The following TIAM2 variants were observed in gnomAD, a reference collection of about 807,000 sequenced individuals.
The protein encoded by TIAM2 is rho guanine nucleotide exchange factor TIAM2.
A neutral mutation model predicts 152.9 loss-of-function variants in TIAM2; 80 were observed. That is an observed-to-expected ratio of 0.52 (90% CI 0.44 to 0.63). TIAM2 has a LOEUF of 0.63. TIAM2 is among the 30% of genes least tolerant of loss of function. The pLI is 0.00. For missense variants in TIAM2, 1,965 were observed against 2,120.1 expected (o/e 0.93, Z 1.44); for synonymous variants, 804 against 838.0 (o/e 0.96, Z 0.70).
At chr6:155,191,642 A>C (rs1223448334) in intron 14 of TIAM2, among the ~76,000 whole-genome samples, 2 of 152,124 alleles carry the variant, frequency 1.3e-5, no homozygotes, top group African/African-American at 4.8e-5. Context: ...AAATACAAAA[A>C]TTAGCCAGGC....
At position 155,256,535 on chromosome 6, in the gene TIAM2, C is replaced by A. The variant is rs777540608; in HGVS notation, c.4520C>A (p.Thr1507Asn). 6 of 1,614,090 alleles carry A rather than the reference C, an allele frequency of 3.7e-6. No homozygotes were observed. In the East Asian group the frequency reaches 6.7e-5, roughly 18 times the overall value. ...AAGAATTCCTCCAGCAACGAGTGGA[C>A]CGGTGAGACTGGCAAGGGAACCTTG... Reference protein sequence around the residue: ...VLKNSSSNEWTGETGKGTLLD... With the variant: ...VLKNSSSNEWNGETGKGTLLD... Residue 1507 changes from threonine (T) to asparagine (N), a missense_variant, in exon 27 of 27, where the codon ACC (threonine) becomes AAC (asparagine). This residue lies in a region of TIAM2 where 935 missense variants were observed against 980.0 expected (regional missense o/e 0.95). Transcript: ENST00000682666.
chr6:155,018,636 A>G (rs1202490329), intron 1 of TIAM2, among the ~76,000 whole-genome samples: 5 of 126,908 alleles, frequency 3.9e-5, no homozygotes, highest in Admixed American at 8.7e-5. Flanking sequence ...AAAAAATTAC[A>G]TACATGACTC....
chr6:155,015,495 A>G (rs529218750), intron 1 of TIAM2, among the ~76,000 whole-genome samples: 1 of 152,312 alleles, frequency 6.6e-6, no homozygotes, highest in East Asian at 1.9e-4. Context: ...GTGCAAAGAG[A>G]GGCAAAAAAG....
intron 21 of TIAM2, chr6:155,250,526 C>G: frequency 1.6e-5 from 24 of 1,535,210 alleles, no homozygotes; most frequent in Non-Finnish European, 2.1e-5. Context: ...AATGCTGGTG[C>G]TCTTTTATCA....
At chr6:155,046,331 CTT>C (rs1164422319) in intron 1 of TIAM2, among the ~76,000 whole-genome samples, 226 of 80,744 alleles carry the variant, frequency 2.8e-3, no homozygotes, top group African/African-American at 7.6e-3. Context: ...TTGGCTCTGT[CTT>C]TTTTTTTTTT....
rs569141369 is a variant in TIAM2 at position 155,184,880 on chromosome 6, A to G, written c.3064+1380A>G. Among the ~76,000 whole-genome samples, 9 of 152,296 alleles carry G rather than the reference A, an allele frequency of 5.9e-5. No individual in the cohort carries two copies. The East Asian group carries it at 1.7e-3, about 29-fold the overall frequency. On this transcript the variant is annotated intron_variant, in intron 14 of 26. Coordinates refer to ENST00000682666, the MANE Select transcript of TIAM2 (RefSeq NM_012454.4). ...AACAAAAATTATGATGGAACTTATT[A>G]ATTACTTGGGTATATTAGGGCCATC...
intron 1 of TIAM2, among the ~76,000 whole-genome samples, chr6:155,043,797 T>C (rs1777099830): frequency 6.6e-6 from 1 of 152,054 alleles, no homozygotes; most frequent in Admixed American, 6.6e-5. Flanking sequence ...CCCATCAATT[T>C]CTTGCAGGTT....
chr6:155,011,567 CAG>C (rs202114993), intron 1 of TIAM2, among the ~76,000 whole-genome samples: 5 of 145,972 alleles, frequency 3.4e-5, no homozygotes, highest in Non-Finnish European at 7.7e-5. Flanking sequence ...TTTTTCTCCT[CAG>C]AGTGTCTGAC....
intron 2 of TIAM2, among the ~76,000 whole-genome samples, chr6:155,104,357 G>A (rs76581943): frequency 0.032 from 4,934 of 152,014 alleles, 254 homozygotes; most frequent in African/African-American, 0.11. Context: ...TCCTCCCTGC[G>A]CTTCTCCCCT....
At chr6:155,246,221 T>C (rs1375837518) in intron 19 of TIAM2, among the ~76,000 whole-genome samples, 1 of 152,182 alleles carries the variant, frequency 6.6e-6, no homozygotes. Flanking sequence ...TCGGTGTTTC[T>C]CTCTGCGTGG....
At chr6:155,107,445 G>A (rs1778723075) in intron 2 of TIAM2, among the ~76,000 whole-genome samples, 1 of 152,258 alleles carries the variant, frequency 6.6e-6, no homozygotes, top group Admixed American at 6.5e-5. Context: ...GTATTGTATG[G>A]ATTTATTTTT....
At chr6:155,068,746 C>T (rs754770217) in intron 1 of TIAM2, among the ~76,000 whole-genome samples, 2 of 152,164 alleles carry the variant, frequency 1.3e-5, no homozygotes, top group Admixed American at 6.5e-5. Context: ...TTTTAAATAA[C>T]ATTTTACTTT....
At chr6:155,173,197 G>T (rs59243266) in intron 9 of TIAM2, among the ~76,000 whole-genome samples, 1 of 147,126 alleles carries the variant, frequency 6.8e-6, no homozygotes, top group Non-Finnish European at 1.5e-5. Context: ...GTGTGTGTGT[G>T]TGTGTCTGTC....
At chr6:155,165,551 G>A in intron 9 of TIAM2, 142 bp downstream of exon 9, 1 of 1,224,782 alleles carries the variant, frequency 8.2e-7, no homozygotes, top group Non-Finnish European at 1.1e-6. Flanking sequence ...TGTAATTCTA[G>A]CACACTGGGA....
At chr6:155,154,078 C>G (rs775953781) in intron 7 of TIAM2, among the ~76,000 whole-genome samples, 7 of 152,218 alleles carry the variant, frequency 4.6e-5, no homozygotes, top group Non-Finnish European at 8.8e-5. Context: ...CCAATCAGGA[C>G]AGGGTCTCCA....
At chr6:155,122,228 T>A (rs1423192595) in intron 2 of TIAM2, 3 of 152,206 alleles carry the variant, frequency 2.0e-5, no homozygotes, top group African/African-American at 7.2e-5. Context: ...ATCACACTTT[T>A]AAGAAAGAAA....
chr6:155,042,638 T>A (rs1777074931), intron 1 of TIAM2, among the ~76,000 whole-genome samples: 1 of 152,170 alleles, frequency 6.6e-6, no homozygotes, highest in Admixed American at 6.5e-5. Context: ...CAATCCATTC[T>A]GTCAAGGAAC....
chr6:155,050,751 T>C (rs1216269701), intron 1 of TIAM2, among the ~76,000 whole-genome samples: 1 of 152,238 alleles, frequency 6.6e-6, no homozygotes, highest in African/African-American at 2.4e-5. Flanking sequence ...GGGTAAGCCT[T>C]TCTGCTTTTA....
At chr6:155,177,096 T>G in intron 10 of TIAM2, 119 bp downstream of exon 10, 1 of 896,724 alleles carries the variant, frequency 1.1e-6, no homozygotes, top group Non-Finnish European at 1.6e-6. Flanking sequence ...AGGGAACATA[T>G]TAGCATATTT....
Sources: gnomAD v4.1 joint callset for allele counts (sites outside exome capture counted in the v4.1 genomes callset) on GRCh38, gnomAD v4.1.1 for gene constraint, gnomAD v4.1.1 regional missense constraint, MANE v1.5 for transcripts, NCBI Gene and HGNC (gene_info 2026-07-23, HGNC 2026-07-21) for gene names.